GRID2: variants seen among roughly 807,000 people sequenced by gnomAD.
GRID2 encodes the protein glutamate receptor ionotropic, delta-2.
GRID2 carries 33 observed loss-of-function variants against 114.8 expected under a neutral mutation model. That is an observed-to-expected ratio of 0.29 (90% confidence interval 0.22 to 0.38). The LOEUF is 0.38. Ranked by LOEUF, GRID2 falls within the 10% of genes least tolerant of loss-of-function variation. The probability of loss-of-function intolerance (pLI) is 1.00; values close to 1 mark genes in which losing one functional copy is unlikely to be tolerated. For missense variants in GRID2, 1,184 were observed against 1,257.7 expected (o/e 0.94, Z 0.89); for synonymous variants, 505 against 449.9 (o/e 1.12, Z -1.55).
chr4:92,578,806 A>G (rs888851685), intron 1 of GRID2, among the ~76,000 whole-genome samples: 5 of 152,048 alleles, frequency 3.3e-5, no homozygotes, highest in Admixed American at 2.0e-4. Flanking sequence ...GACATGCATC[A>G]TATATATTTT....
chr4:92,890,263 A>G (rs1746669550), intron 2 of GRID2, among the ~76,000 whole-genome samples: 1 of 152,190 alleles, frequency 6.6e-6, no homozygotes, highest in African/African-American at 2.4e-5. Flanking sequence ...AAAATTGACA[A>G]ATAGGATCTA....
intron 2 of GRID2, among the ~76,000 whole-genome samples, chr4:92,600,087 T>TATATATAC (rs1729154465): frequency 7.3e-6 from 1 of 137,282 alleles, no homozygotes; most frequent in Non-Finnish European, 1.6e-5. Context: ...TATATATATA[T>TATATATAC]ATTTCTCAGA....
rs1428481163 is a variant in GRID2 at position 93,728,243 on chromosome 4, A to T, written c.2361-40967A>T. 2.0e-5 allele frequency among the ~76,000 whole-genome samples: 3 copies of T among 151,890 alleles called. No individual in the cohort carries two copies. In the East Asian group the frequency reaches 5.8e-4, roughly 29 times the overall value. On this transcript the variant is annotated intron_variant, in intron 14 of 15. Transcript: ENST00000282020. ...TATTTCTGCCTTCGTTTCATTATGT[A>T]CCCAGTAGTCATTCAGAAGCAGGTT...
At chr4:92,652,179 C>T (rs7694358) in intron 2 of GRID2, among the ~76,000 whole-genome samples, 2 of 151,974 alleles carry the variant, frequency 1.3e-5, no homozygotes, top group African/African-American at 4.8e-5. Flanking sequence ...CCTTTTTGTT[C>T]TATTCAGATT....
chr4:92,445,250 G>T (rs1483544664), intron 1 of GRID2, among the ~76,000 whole-genome samples: 1 of 152,124 alleles, frequency 6.6e-6, no homozygotes, highest in Non-Finnish European at 1.5e-5. Flanking sequence ...TTGAGTCCCA[G>T]ACTCTCTTGC....
chr4:92,636,700 C>G (rs898108320), intron 2 of GRID2, among the ~76,000 whole-genome samples: 3 of 151,976 alleles, frequency 2.0e-5, no homozygotes, highest in Admixed American at 6.6e-5. Flanking sequence ...TAATGCAGCT[C>G]TGTAAAGTGT....
At chr4:92,535,918 G>C (rs1168940757) in intron 1 of GRID2, among the ~76,000 whole-genome samples, 1 of 152,154 alleles carries the variant, frequency 6.6e-6, no homozygotes, top group Non-Finnish European at 1.5e-5. Flanking sequence ...ATCTGGACTT[G>C]TTCTCCTCCT....
chr4:92,903,173 T>A lies in GRID2; in HGVS notation c.245-181822T>A, dbSNP rs1747700752. ...GTGGTCATTTTAACGATACTGATTC[T>A]TCTGATTCATGAGCATGGGATATTT... On this transcript the variant is annotated intron_variant, in intron 2 of 15. Transcript: ENST00000282020. Among the ~76,000 whole-genome samples, 4 of 152,014 alleles carry A rather than the reference T, an allele frequency of 2.6e-5. No individual in the cohort carries two copies. The South Asian group carries it at 8.3e-4, about 32-fold the overall frequency.
chr4:93,602,850 T>C (rs1364805413), intron 13 of GRID2, among the ~76,000 whole-genome samples: 1 of 152,198 alleles, frequency 6.6e-6, no homozygotes, highest in East Asian at 1.9e-4. Context: ...TTAGCCAAGT[T>C]AAATGCAAAG....
chr4:93,594,190 C>G (rs1215353988), intron 13 of GRID2, among the ~76,000 whole-genome samples: 1 of 131,104 alleles, frequency 7.6e-6, no homozygotes, highest in Non-Finnish European at 1.7e-5. Context: ...GTGGTTTTAT[C>G]TACTTTTGGT....
chr4:92,384,581 T>TA lies in GRID2; in HGVS notation c.88+79838dup, dbSNP rs1729819911. Among the ~76,000 whole-genome samples the TA allele has an allele frequency of 1.1e-4, 5 of 44,972 alleles. No individual in the cohort carries two copies. In the South Asian group the frequency reaches 2.4e-3, roughly 22 times the overall value. 29.5% of individuals were successfully genotyped at this position (44,972 alleles called of 152,430 possible). A position where few individuals can be genotyped will look rare whatever the true frequency, so the allele number is the denominator to read the frequency against. On this transcript the variant is annotated intron_variant, in intron 1 of 15. Transcript: ENST00000282020. ...TATATATAATATAATATATAAAATA[T>TA]ATTATATTATATATAACATAATATA... is the stretch of plus-strand genomic sequence containing the variant.
chr4:93,676,517 T>C (rs181281353), intron 14 of GRID2, among the ~76,000 whole-genome samples: 3 of 152,274 alleles, frequency 2.0e-5, no homozygotes, highest in Non-Finnish European at 4.4e-5. Flanking sequence ...TTCCGTGGCT[T>C]CTGCTCACAC....
At chr4:92,809,376 A>G (rs1463622246) in intron 2 of GRID2, among the ~76,000 whole-genome samples, 1 of 152,004 alleles carries the variant, frequency 6.6e-6, no homozygotes, top group Non-Finnish European at 1.5e-5. Flanking sequence ...TGGAATGTGG[A>G]ATAAATATTT....
intron 8 of GRID2, among the ~76,000 whole-genome samples, chr4:93,353,056 C>G (rs573383734): frequency 1.6e-4 from 24 of 152,070 alleles, no homozygotes; most frequent in Non-Finnish European, 2.5e-4. Context: ...AGAAGGAGAA[C>G]AAAAACAGTT....
rs1553916864 is a variant in GRID2 at position 92,688,037 on chromosome 4, C to CCTTTTTTTTTTTTTTTTTTTTTTTTT, written c.244+97751_244+97752insCTTTTTTTTTTTTTTTTTTTTTTTTT. Among the ~76,000 whole-genome samples, 185 of 44,658 alleles carry CCTTTTTTTTTTTTTTTTTTTTTTTTT rather than the reference C, an allele frequency of 4.1e-3. 21 individuals are homozygous for CCTTTTTTTTTTTTTTTTTTTTTTTTT. The highest frequency in any genetic ancestry group is 5.8e-3 in the East Asian group (11 of 1,888). 29.3% of individuals were successfully genotyped at this position (44,658 alleles called of 152,430 possible). On this transcript the variant is annotated intron_variant, in intron 2 of 15. Coordinates refer to ENST00000282020, the MANE Select transcript of GRID2 (RefSeq NM_001510.4). The stretch of plus-strand genomic sequence containing the variant: ...GCCACATTGGTTGACCCTTCTTCTT[C>CCTTTTTTTTTTTTTTTTTTTTTTTTT]TTTTTTTTTTTTTTTTTTTTTTTTT...
chr4:92,621,606 A>C (rs1402629343), intron 2 of GRID2, among the ~76,000 whole-genome samples: 1 of 151,714 alleles, frequency 6.6e-6, no homozygotes, highest in Non-Finnish European at 1.5e-5. Context: ...GGATGCAGTA[A>C]ACTATATTAC....
chr4:93,106,647 C>T (rs187562597), intron 3 of GRID2, among the ~76,000 whole-genome samples: 1 of 152,298 alleles, frequency 6.6e-6, no homozygotes, highest in African/African-American at 2.4e-5. Flanking sequence ...ATGACTCTTA[C>T]ACACAGCAGC....
At chr4:92,320,854 A>G (rs924208059) in intron 1 of GRID2, among the ~76,000 whole-genome samples, 1 of 152,126 alleles carries the variant, frequency 6.6e-6, no homozygotes, top group African/African-American at 2.4e-5. Context: ...TTTTAAAATC[A>G]AAGTCTGGTC....
At chr4:93,020,937 C>G (rs1723220616) in intron 2 of GRID2, among the ~76,000 whole-genome samples, 1 of 151,312 alleles carries the variant, frequency 6.6e-6, no homozygotes, top group East Asian at 1.9e-4. Flanking sequence ...TAGGGTGAGG[C>G]AGGAGAATCG....
Sources: allele counts gnomAD v4.1 joint callset (sites outside exome capture counted in the v4.1 genomes callset), GRCh38; gene constraint gnomAD v4.1.1; transcripts MANE v1.5; gene names NCBI Gene and HGNC (gene_info 2026-07-23, HGNC 2026-07-21).